Variants in PLPP1 observed in about 807,000 individuals in gnomAD.
PLPP1 encodes phospholipid phosphatase 1.
PLPP1 carries 24 observed loss-of-function variants against 31.2 expected under a neutral mutation model. The observed-to-expected ratio is 0.77, with a 90% CI of 0.56 to 1.08. PLPP1 has a LOEUF of 1.08. Among genes scored for constraint, PLPP1 ranks in the 50% least tolerant of loss-of-function variants. PLPP1 has a pLI of 0.00. For synonymous variants in PLPP1, 146 were observed against 126.3 expected (o/e 1.16, Z -1.05); for missense variants, 319 against 342.7 (o/e 0.93, Z 0.55).
At chr5:55,444,551 C>A (rs575201866) in intron 3 of PLPP1, among the ~76,000 whole-genome samples, 1 of 152,104 alleles carries the variant, frequency 6.6e-6, no homozygotes, top group Non-Finnish European at 1.5e-5. Context: ...AGTACAGTAA[C>A]AATGTGAGCC....
intron 4 of PLPP1, among the ~76,000 whole-genome samples, chr5:55,427,790 G>A (rs1751245233): frequency 6.6e-6 from 1 of 150,886 alleles, no homozygotes; most frequent in Non-Finnish European, 1.5e-5. Context: ...GGGGGGATGT[G>A]GGAGGGGGAA....
chr5:55,485,519 C>A (rs144602439), intron 1 of PLPP1, among the ~76,000 whole-genome samples: 2 of 152,040 alleles, frequency 1.3e-5, no homozygotes, highest in African/African-American at 4.8e-5. Flanking sequence ...AATCCACACA[C>A]ATAACAGTTA....
chr5:55,459,502 T>C (rs537869319), intron 3 of PLPP1, among the ~76,000 whole-genome samples: 1 of 152,296 alleles, frequency 6.6e-6, no homozygotes, highest in African/African-American at 2.4e-5. Flanking sequence ...CAAGTGCACA[T>C]GGAACATTCT....
At chr5:55,506,578 A>T (rs1196052545) in intron 1 of PLPP1, among the ~76,000 whole-genome samples, 1 of 152,208 alleles carries the variant, frequency 6.6e-6, no homozygotes, top group East Asian at 1.9e-4. Flanking sequence ...GAAATGTTGA[A>T]ACCTCAGCAA....
chr5:55,462,682 T>G (rs1302528551), intron 3 of PLPP1, among the ~76,000 whole-genome samples: 1 of 151,868 alleles, frequency 6.6e-6, no homozygotes, highest in Non-Finnish European at 1.5e-5. Flanking sequence ...ATTAAGAAAA[T>G]AAAGCAGCCA....
At chr5:55,443,853 C>T (rs916651633) in intron 3 of PLPP1, among the ~76,000 whole-genome samples, 2 of 101,888 alleles carry the variant, frequency 2.0e-5, no homozygotes, top group African/African-American at 6.8e-5. Context: ...TGTCTTTATC[C>T]ATAGTAATTT....
chr5:55,500,079 T>A (rs1458578194), intron 1 of PLPP1, among the ~76,000 whole-genome samples: 16 of 8,434 alleles, frequency 1.9e-3, no homozygotes, highest in African/African-American at 2.5e-3. Flanking sequence ...CTCTAAAAAT[T>A]TTTTTTTTTT....
chr5:55,502,638 CTA>C (rs1486104813), intron 1 of PLPP1, among the ~76,000 whole-genome samples: 2 of 152,092 alleles, frequency 1.3e-5, no homozygotes, highest in African/African-American at 4.8e-5. Flanking sequence ...TTTTAAATTG[CTA>C]TATGCAGCTA....
At chr5:55,473,592 G>A (rs11747553) in intron 2 of PLPP1, among the ~76,000 whole-genome samples, 101,423 of 151,730 alleles carry the variant, frequency 0.67, 35,325 homozygotes, top group Non-Finnish European at 0.78. Context: ...TATACATGCT[G>A]TCATCTTTGG....
chr5:55,505,668 T>G (rs1753258726), intron 1 of PLPP1, among the ~76,000 whole-genome samples: 1 of 152,146 alleles, frequency 6.6e-6, no homozygotes, highest in Non-Finnish European at 1.5e-5. Context: ...ACAAAATAGT[T>G]AAAAGTGAAC....
chr5:55,477,394 TTC>T (rs1752576913), intron 1 of PLPP1, among the ~76,000 whole-genome samples: 1 of 51,674 alleles, frequency 1.9e-5, no homozygotes, highest in Non-Finnish European at 4.6e-5. Flanking sequence ...CTTTTTTCTT[TTC>T]TTTTTTTTTT....
Position 55,476,033 on chromosome 5 carries a change from C to T in PLPP1, c.59-583G>A, listed in dbSNP as rs375493966. ...TCATTCTGTTACCCAGGCTAGAGTGCGATGGTGCGATCATAGCTAAGTGCA... is the reference window on the plus strand; with the variant it reads ...TCATTCTGTTACCCAGGCTAGAGTGTGATGGTGCGATCATAGCTAAGTGCA... On this transcript the variant is annotated intron_variant, in intron 1 of 5. Coordinates refer to ENST00000307259, the MANE Select transcript of PLPP1 (RefSeq NM_003711.4). Among the ~76,000 whole-genome samples the T allele has an allele frequency of 1.1e-3, 163 of 147,060 alleles. 1 individual carries two copies. Among genetic ancestry groups the T allele is most frequent in the Non-Finnish European group, 2.0e-3 (132 of 67,410 alleles).
chr5:55,465,245 A>T (rs951216406), intron 3 of PLPP1, among the ~76,000 whole-genome samples: 1 of 152,020 alleles, frequency 6.6e-6, no homozygotes, highest in Non-Finnish European at 1.5e-5. Context: ...GGGTTTCACC[A>T]TGTTGGCCAG....
chr5:55,467,181 A>G (rs1221107147), intron 3 of PLPP1, among the ~76,000 whole-genome samples: 5 of 152,206 alleles, frequency 3.3e-5, no homozygotes, highest in African/African-American at 1.2e-4. Flanking sequence ...ATAATAAACT[A>G]AGAATACTAA....
chr5:55,453,683 G>A (rs2111744547), intron 3 of PLPP1, among the ~76,000 whole-genome samples: 1 of 152,266 alleles, frequency 6.6e-6, no homozygotes, highest in East Asian at 1.9e-4. Context: ...GCTCCCACCT[G>A]TAATCCTAGC....
chr5:55,530,662 T>C (rs763380346), intron 1 of PLPP1: 24 of 1,599,390 alleles, frequency 1.5e-5, no homozygotes, highest in African/African-American at 4.0e-5. Flanking sequence ...TTCCTCATTA[T>C]ATTTTCAAGG....
At chr5:55,525,875 G>C (rs1221421822) in intron 1 of PLPP1, among the ~76,000 whole-genome samples, 1 of 151,374 alleles carries the variant, frequency 6.6e-6, no homozygotes, top group Admixed American at 6.6e-5. Flanking sequence ...TTTTTGAAAA[G>C]AAGAGACAAG....
intron 1 of PLPP1, among the ~76,000 whole-genome samples, chr5:55,511,148 A>G (rs1409622978): frequency 7.2e-5 from 11 of 152,328 alleles, no homozygotes; most frequent in Non-Finnish European, 7.3e-5. Context: ...ATTGCCTAAT[A>G]GTAAATTGTT....
chr5:55,470,149 G>T (rs1752387550), intron 2 of PLPP1, among the ~76,000 whole-genome samples: 1 of 152,172 alleles, frequency 6.6e-6, no homozygotes, highest in Non-Finnish European at 1.5e-5. Context: ...ACTGCCAACA[G>T]AGGAACCCTT....
Sources: allele counts gnomAD v4.1 joint callset (sites outside exome capture counted in the v4.1 genomes callset), GRCh38; gene constraint gnomAD v4.1.1; transcripts MANE v1.5; gene names NCBI Gene and HGNC (gene_info 2026-07-23, HGNC 2026-07-21).